Variants in KCNJ12 observed in about 807,000 individuals in gnomAD.
KCNJ12 encodes the protein ATP-sensitive inward rectifier potassium channel 12.
KCNJ12 carries 2 observed loss-of-function variants against 22.3 expected under a neutral mutation model. That is an observed-to-expected ratio of 0.09 (90% CI 0.04 to 0.28). KCNJ12 has a LOEUF of 0.28. Ranked by LOEUF, KCNJ12 falls within the 10% of genes least tolerant of loss-of-function variation. The pLI, the probability that KCNJ12 is intolerant of heterozygous loss-of-function variation, is 1.00. For missense variants in KCNJ12, 155 were observed against 633.3 expected, an observed-to-expected ratio of 0.24 and a Z score of 8.11; for synonymous variants, 117 against 261.4, an observed-to-expected ratio of 0.45 and a Z score of 5.33.
At chr17:21,398,756 T>C (rs1284005257) in intron 1 of KCNJ12, among the ~76,000 whole-genome samples, 1 of 152,214 alleles carries the variant, frequency 6.6e-6, no homozygotes, top group African/African-American at 2.4e-5. Context: ...AGGTCGTGTA[T>C]CGGTGTACAC....
intron 1 of KCNJ12, among the ~76,000 whole-genome samples, chr17:21,392,121 AG>A (rs782335624): frequency 7.2e-5 from 11 of 152,140 alleles, no homozygotes; most frequent in Non-Finnish European, 8.8e-5. Context: ...AGTGACTTCG[AG>A]GGAGGTGGTC....
intron 1 of KCNJ12, among the ~76,000 whole-genome samples, chr17:21,407,748 C>T (rs1417333370): frequency 6.6e-6 from 1 of 152,236 alleles, no homozygotes. Flanking sequence ...TCCATCCATC[C>T]ATCCATTCAT....
At chr17:21,384,166 A>G (rs1008041628) in intron 1 of KCNJ12, among the ~76,000 whole-genome samples, 2 of 152,116 alleles carry the variant, frequency 1.3e-5, no homozygotes, top group African/African-American at 4.8e-5. Context: ...CATTGCATAC[A>G]TGTCATGGCG....
intron 2 of KCNJ12, among the ~76,000 whole-genome samples, chr17:21,412,698 C>T (rs1265734820): frequency 1.6e-4 from 24 of 152,422 alleles, no homozygotes; most frequent in African/African-American, 2.9e-4. Context: ...TCCGGCCCTG[C>T]GTCCCAGCTC....
chr17:21,408,773 T>C (rs1413451651), intron 2 of KCNJ12, 133 bp downstream of exon 2: 5 of 152,074 alleles, frequency 3.3e-5, no homozygotes, highest in African/African-American at 1.2e-4. Context: ...ATTTATCTGC[T>C]CAGCCTTCCA....
At chr17:21,377,462 A>T (rs1319765561) in intron 1 of KCNJ12, among the ~76,000 whole-genome samples, 1 of 152,110 alleles carries the variant, frequency 6.6e-6, no homozygotes, top group Non-Finnish European at 1.5e-5. Flanking sequence ...TCTGGAAATG[A>T]TTCCATGCCA....
rs1158472513 is a variant in KCNJ12 at position 21,417,049 on chromosome 17, T to C, written c.*405T>C. On this transcript the variant is annotated 3_prime_UTR_variant, in exon 3 of 3. Coordinates refer to ENST00000583088, the MANE Select transcript of KCNJ12 (RefSeq NM_021012.5). Reference sequence around the variant, plus strand: ...TGGGGAGAAACACCGGGTTTCAGCTTTCTTGACCTTAGCTTGGGTGAGACT... The same window carrying C: ...TGGGGAGAAACACCGGGTTTCAGCTCTCTTGACCTTAGCTTGGGTGAGACT... The C allele has an allele frequency of 1.1e-5, 3 of 271,874 alleles. No individual in the cohort carries two copies. The East Asian group carries it at 2.1e-4, about 19-fold the overall frequency. The allele number at this position is 271,874 out of a possible 1,614,324, so 16.8% of individuals were successfully genotyped here.
chr17:21,401,454 C>T (rs1208382955), intron 1 of KCNJ12, among the ~76,000 whole-genome samples: 3 of 152,238 alleles, frequency 2.0e-5, no homozygotes, highest in South Asian at 2.1e-4. Context: ...CCCTGTGGGC[C>T]GAGCTCAGAG....
At chr17:21,391,130 A>C (rs1016036641) in intron 1 of KCNJ12, among the ~76,000 whole-genome samples, 2 of 152,184 alleles carry the variant, frequency 1.3e-5, no homozygotes, top group Non-Finnish European at 2.9e-5. Flanking sequence ...TGTGCTGTGC[A>C]TCAGCACCGC....
intron 2 of KCNJ12, among the ~76,000 whole-genome samples, chr17:21,414,006 G>A (rs1906532980): frequency 6.6e-6 from 1 of 152,308 alleles, no homozygotes; most frequent in Admixed American, 6.5e-5. Context: ...CCATGTCTGG[G>A]TGCCAGATCT....
In KCNJ12 at chr17:21,391,865, C is replaced by T. The variant is rs148428093; in HGVS notation, c.-179+14952C>T. Among the ~76,000 whole-genome samples, 744 of 152,344 alleles carry T rather than the reference C, an allele frequency of 4.9e-3. 5 individuals carry two copies. The highest frequency in any genetic ancestry group is 8.3e-3 in the Non-Finnish European group (568 of 68,034). On this transcript the variant is annotated intron_variant, in intron 1 of 2. Transcript: ENST00000583088. Reference sequence around the variant, plus strand: ...GACAGGCTGAGGACCTCCCCTGCCACCAGGCCTACCTTGGCCAGTGGGTGG... The same window carrying T: ...GACAGGCTGAGGACCTCCCCTGCCATCAGGCCTACCTTGGCCAGTGGGTGG...
chr17:21,388,411 G>T (rs782697363), intron 1 of KCNJ12, among the ~76,000 whole-genome samples: 10 of 152,318 alleles, frequency 6.6e-5, no homozygotes, highest in Middle Eastern at 6.8e-3. Context: ...TCATACCTGT[G>T]ACCCCCTTGC....
At chr17:21,400,341 C>G (rs1341123028) in intron 1 of KCNJ12, among the ~76,000 whole-genome samples, 1 of 152,310 alleles carries the variant, frequency 6.6e-6, no homozygotes, top group African/African-American at 2.4e-5. Flanking sequence ...GGGGACTCTG[C>G]TCTTGTTTCC....
intron 1 of KCNJ12, among the ~76,000 whole-genome samples, chr17:21,404,261 CTG>C (rs1905801860): frequency 6.6e-6 from 1 of 152,424 alleles, no homozygotes; most frequent in Non-Finnish European, 1.5e-5. Flanking sequence ...CTGCAGGACT[CTG>C]GTGCTCCTAG....
At chr17:21,380,661 T>C (rs1904832430) in intron 1 of KCNJ12, among the ~76,000 whole-genome samples, 1 of 150,938 alleles carries the variant, frequency 6.6e-6, no homozygotes, top group African/African-American at 2.4e-5. Flanking sequence ...GAGGGGGATC[T>C]GGGAAGGAGG....
At chr17:21,403,822 G>A (rs1415875119) in intron 1 of KCNJ12, among the ~76,000 whole-genome samples, 1 of 152,312 alleles carries the variant, frequency 6.6e-6, no homozygotes, top group African/African-American at 2.4e-5. Flanking sequence ...CATTTTATAG[G>A]TGAGAAAACT....
At chr17:21,411,305 G>T (rs1906329252) in intron 2 of KCNJ12, among the ~76,000 whole-genome samples, 1 of 152,310 alleles carries the variant, frequency 6.6e-6, no homozygotes, top group African/African-American at 2.4e-5. Context: ...GTCCTGGTCT[G>T]TTCTTCAAGT....
At chr17:21,397,960 T>G (rs532178455) in intron 1 of KCNJ12, among the ~76,000 whole-genome samples, 2 of 152,096 alleles carry the variant, frequency 1.3e-5, no homozygotes, top group Non-Finnish European at 2.9e-5. Context: ...TTGGTTTTGT[T>G]TTTTGCCTTT....
intron 1 of KCNJ12, among the ~76,000 whole-genome samples, chr17:21,386,100 C>G (rs1164002905): frequency 6.6e-6 from 1 of 152,262 alleles, no homozygotes; most frequent in Non-Finnish European, 1.5e-5. Flanking sequence ...GCCACCATAA[C>G]AGACTGGGTG....
Sources: allele counts gnomAD v4.1 joint callset (sites outside exome capture counted in the v4.1 genomes callset), GRCh38; gene constraint gnomAD v4.1.1; transcripts MANE v1.5; gene names NCBI Gene and HGNC (gene_info 2026-07-23, HGNC 2026-07-21).